GRAMD1B: variants seen among roughly 807,000 people sequenced by gnomAD.
The protein encoded by GRAMD1B is GRAM domain containing 1B, also known as protein Aster-B.
A neutral mutation model predicts 99.7 loss-of-function variants in GRAMD1B; 37 were observed. The ratio of observed to expected loss-of-function variants is 0.37; its 90% confidence interval spans 0.29 to 0.49. The LOEUF is 0.49. Ranked by LOEUF, GRAMD1B falls within the 20% of genes least tolerant of loss-of-function variation. The pLI is 0.98. For synonymous variants in GRAMD1B, 427 were observed against 387.6 expected (o/e 1.10, Z -1.19); for missense variants, 888 against 1,009.2 (o/e 0.88, Z 1.63).
At chr11:123,621,334 C>T (rs904336844) in intron 19 of GRAMD1B, among the ~76,000 whole-genome samples, 4 of 152,168 alleles carry the variant, frequency 2.6e-5, no homozygotes, top group Non-Finnish European at 5.9e-5. Flanking sequence ...TTACAATTCT[C>T]CTGCCAGGTT....
chr11:123,544,943 G>A (rs1944909855), intron 2 of GRAMD1B, among the ~76,000 whole-genome samples: 1 of 152,252 alleles, frequency 6.6e-6, no homozygotes, highest in Non-Finnish European at 1.5e-5. Flanking sequence ...ATGGGAGATA[G>A]GGGCCAGACC....
At chr11:123,615,521 C>A (rs1481154299) in intron 17 of GRAMD1B, among the ~76,000 whole-genome samples, 3 of 152,198 alleles carry the variant, frequency 2.0e-5, no homozygotes, top group Non-Finnish European at 4.4e-5. Context: ...CCCGTCTCTA[C>A]TAAAACTACA....
intron 15 of GRAMD1B, 43 bp downstream of exon 15, chr11:123,612,907 G>A (rs753327328): frequency 8.8e-7 from 1 of 1,140,538 alleles, no homozygotes; most frequent in South Asian, 1.3e-5. Context: ...TGCAGAGATG[G>A]TAAACTGCAC....
chr11:123,392,453 G>T (rs1947315047), intron 1 of GRAMD1B, among the ~76,000 whole-genome samples: 1 of 151,592 alleles, frequency 6.6e-6, no homozygotes. Flanking sequence ...CTCAATAAAG[G>T]TTGGTTGACT....
chr11:123,417,711 C>A (rs1486763932), intron 1 of GRAMD1B, among the ~76,000 whole-genome samples: 3 of 152,050 alleles, frequency 2.0e-5, no homozygotes, highest in African/African-American at 7.2e-5. Flanking sequence ...CCAAGAGGGG[C>A]GGGTCACTTG....
intron 1 of GRAMD1B, among the ~76,000 whole-genome samples, chr11:123,420,870 C>T (rs1948409098): frequency 2.0e-5 from 3 of 152,186 alleles, no homozygotes; most frequent in African/African-American, 7.2e-5. Flanking sequence ...ACTTACCTCA[C>T]AGGATTATTA....
intron 1 of GRAMD1B, among the ~76,000 whole-genome samples, chr11:123,442,107 C>T (rs185912405): frequency 1.6e-4 from 25 of 152,280 alleles, no homozygotes; most frequent in Admixed American, 5.2e-4. Context: ...CTCCAGTGGA[C>T]ACAAACTGGG....
At chr11:123,613,254 C>T (rs1322947626) in intron 15 of GRAMD1B, 2 of 587,084 alleles carry the variant, frequency 3.4e-6, no homozygotes, top group Admixed American at 3.0e-5. Flanking sequence ...CATATGGTTC[C>T]TTGCAATGTT....
intron 1 of GRAMD1B, among the ~76,000 whole-genome samples, chr11:123,394,418 A>G (rs1011245385): frequency 2.6e-5 from 4 of 152,068 alleles, no homozygotes; most frequent in Non-Finnish European, 5.9e-5. Context: ...CGGCCTCTCC[A>G]CTTCCGTATT....
rs1024315807 is a variant in GRAMD1B at position 123,577,447 on chromosome 11, A to G, written c.533A>G (p.Asn178Ser). The G allele has an allele frequency of 1.2e-6, 2 of 1,603,778 alleles. No individual in the cohort carries two copies. The highest frequency in any genetic ancestry group is 1.3e-5 in the African/African-American group (1 of 74,700). ...RKRSRSPTPQ[N>S]QDGDTMVEKG... ...CGGTCTCGCTCGCCAACCCCGCAGA[A>G]CCAGGACGGAGACACCATGGTGGAG... Residue 178 changes from asparagine (N) to serine (S), a missense_variant, in exon 3 of 20, where the codon AAC becomes AGC. By Grantham distance (46) the Asn-to-Ser change is conservative. Transcript: ENST00000635736.
At chr11:123,476,108 CT>C (rs35617846) in intron 1 of GRAMD1B, among the ~76,000 whole-genome samples, 52,171 of 144,906 alleles carry the variant, frequency 0.36, 10,659 homozygotes, top group African/African-American at 0.59. Flanking sequence ...CATTTAACTT[CT>C]TTTTTTTTTT....
At chr11:123,456,189 A>G (rs911222354) in intron 1 of GRAMD1B, among the ~76,000 whole-genome samples, 1 of 152,112 alleles carries the variant, frequency 6.6e-6, no homozygotes, top group African/African-American at 2.4e-5. Context: ...AAAACAAAAC[A>G]AAAAAGAACA....
intron 2 of GRAMD1B, among the ~76,000 whole-genome samples, chr11:123,540,730 T>C (rs754802327): frequency 1.8e-4 from 28 of 152,116 alleles, no homozygotes; most frequent in Non-Finnish European, 3.7e-4. Flanking sequence ...CTTCAAGCTA[T>C]TTTTTCTATA....
chr11:123,583,571 G>A (rs779107540), intron 3 of GRAMD1B, among the ~76,000 whole-genome samples: 2 of 152,136 alleles, frequency 1.3e-5, no homozygotes, highest in African/African-American at 4.8e-5. Flanking sequence ...GACAAGGCAC[G>A]ATCTTAGCTA....
intron 1 of GRAMD1B, among the ~76,000 whole-genome samples, chr11:123,466,435 GAAGAAAGAAAGAAAGAGAAAGAAAGA>G (rs1950676844): frequency 7.1e-6 from 1 of 141,020 alleles, no homozygotes; most frequent in Non-Finnish European, 1.5e-5. Context: ...AGAAAGAAAG[GAAGAAAGAAAGAAAGAGAAAGAAAGA>G]AAGAAAGAAA....
intron 1 of GRAMD1B, among the ~76,000 whole-genome samples, chr11:123,398,767 G>A (rs942596286): frequency 1.8e-4 from 28 of 151,720 alleles, no homozygotes; most frequent in South Asian, 1.0e-3. Context: ...ACTTTAGTGC[G>A]GTATGCTTGA....
At chr11:123,576,322 G>A (rs1948707361) in intron 2 of GRAMD1B, among the ~76,000 whole-genome samples, 1 of 152,222 alleles carries the variant, frequency 6.6e-6, no homozygotes, top group African/African-American at 2.4e-5. Context: ...GAGCAGGTGG[G>A]CAGGACACCC....
At position 123,510,734 on chromosome 11, in the gene GRAMD1B, T is replaced by A. The variant is rs1940910439; in HGVS notation, c.452+29841T>A. ...TGCTGCCGGCCGCACTGTGCGTAAG[T>A]GGCTTCGCTTGGCGAGTTCTGCCTT... On this transcript the variant is annotated intron_variant, in intron 2 of 19. Coordinates refer to ENST00000635736, the MANE Select transcript of GRAMD1B (RefSeq NM_001387025.1). This position sits in a 1 kb window ranked among gnomAD's most constrained non-coding sequence, Gnocchi z 4.3. Among the ~76,000 whole-genome samples, 1 of 152,162 alleles carries A rather than the reference T, an allele frequency of 6.6e-6. No homozygotes were observed. The highest frequency in any genetic ancestry group is 1.5e-5 in the Non-Finnish European group (1 of 68,042).
rs34168499 is a variant in GRAMD1B, at chr11:123,497,900, CAAAA to C, written c.452+17025_452+17028del. On this transcript the variant is annotated intron_variant, in intron 2 of 19. Coordinates refer to ENST00000635736, the MANE Select transcript of GRAMD1B (RefSeq NM_001387025.1). The stretch of plus-strand genomic sequence containing the variant: ...TGGGCGGTAAAGCTAGAATCTGTCT[CAAAA>C]AAAAAAAAAAAAAAAAATGGTAAGC... Among the ~76,000 whole-genome samples the C allele has an allele frequency of 1.6e-3, 173 of 110,302 alleles. 1 individual carries two copies. Among genetic ancestry groups the C allele is most frequent in the East Asian group, 6.9e-3 (26 of 3,792 alleles). The allele number at this position is 110,302 out of a possible 152,430, so 72.4% of individuals were successfully genotyped here. A position where few individuals can be genotyped will look rare whatever the true frequency, so the allele number is the denominator to read the frequency against.
Sources: gnomAD v4.1 joint callset for allele counts (sites outside exome capture counted in the v4.1 genomes callset) on GRCh38, gnomAD v4.1.1 for gene constraint, Gnocchi (gnomAD v3.1) non-coding constraint, MANE v1.5 for transcripts, NCBI Gene and HGNC (gene_info 2026-07-23, HGNC 2026-07-21) for gene names.